AHCYL2: variants seen among roughly 807,000 people sequenced by gnomAD.
The protein encoded by AHCYL2 is adenosylhomocysteinase like 2, also known as S-adenosylhomocysteine hydrolase-like protein 2.
In AHCYL2, 28 loss-of-function variants were observed where a neutral mutation model predicts 81.4. The ratio of observed to expected loss-of-function variants is 0.34; its 90% CI spans 0.25 to 0.47. AHCYL2 has a LOEUF of 0.47. AHCYL2 is among the 20% of genes least tolerant of loss of function. AHCYL2 has a pLI of 1.00. For synonymous variants in AHCYL2, 272 were observed against 290.2 expected (o/e 0.94, Z 0.64); for missense variants, 551 against 785.1 (o/e 0.70, Z 3.56).
rs140968022 is a variant in AHCYL2 at position 129,325,834 on chromosome 7, T to G, written c.364-53804T>G. 3.4e-3 allele frequency among the ~76,000 whole-genome samples: 514 copies of G among 152,114 alleles called. 1 individual carries two copies. The highest frequency in any genetic ancestry group is 0.012 in the African/African-American group (497 of 41,504). On this transcript the variant is annotated intron_variant, in intron 1 of 16. Transcript: ENST00000325006. ...GATTCTCCCGCCTCAGCCTCCCGAA[T>G]AGCTGGGACTACAGGCACGTGCCAC...
At position 129,409,592 on chromosome 7, in the gene AHCYL2, T is replaced by C. The variant is rs547268830; in HGVS notation, c.1366+46T>C. 2.7e-5 allele frequency: 40 copies of C among 1,489,664 alleles called. 1 individual carries two copies. Among genetic ancestry groups the C allele is most frequent in the Middle Eastern group, 1.7e-4 (1 of 5,830 alleles). 92.3% of individuals were successfully genotyped at this position (1,489,664 alleles called of 1,614,324 possible). A position where few individuals can be genotyped will look rare whatever the true frequency, so the allele number is the denominator to read the frequency against. Reference sequence around the variant, plus strand: ...ATGGGGTGGCACTTGGGAATGTTTTTATGGAGCAGGTGCAAGATGATTGGA... The same window carrying C: ...ATGGGGTGGCACTTGGGAATGTTTTCATGGAGCAGGTGCAAGATGATTGGA... On this transcript the variant is annotated intron_variant, in intron 11 of 16. Coordinates refer to ENST00000325006, the MANE Select transcript of AHCYL2 (RefSeq NM_015328.4).
rs187540590 is a variant in AHCYL2 at position 129,424,412 on chromosome 7, A to G, written c.1561-462A>G. On this transcript the variant is annotated intron_variant, in intron 13 of 16. Coordinates refer to ENST00000325006, the MANE Select transcript of AHCYL2 (RefSeq NM_015328.4). ...GAGACTCCATCTAATCAATCAATCAATCAATCAATCAATCAATCATCACAG... is the reference window on the plus strand; with the variant it reads ...GAGACTCCATCTAATCAATCAATCAGTCAATCAATCAATCAATCATCACAG... 1.1e-4 allele frequency among the ~76,000 whole-genome samples: 16 copies of G among 151,202 alleles called. No individual in the cohort carries two copies. In the East Asian group the frequency reaches 1.7e-3, roughly 16 times the overall value.
At chr7:129,301,268 G>C (rs527241277) in intron 1 of AHCYL2, among the ~76,000 whole-genome samples, 1 of 152,256 alleles carries the variant, frequency 6.6e-6, no homozygotes, top group Admixed American at 6.5e-5. Context: ...TTAATCCTTT[G>C]TCAGATGGAT....
chr7:129,418,380 A>G (rs1424102169), intron 12 of AHCYL2, among the ~76,000 whole-genome samples: 1 of 151,850 alleles, frequency 6.6e-6, no homozygotes, highest in Non-Finnish European at 1.5e-5. Flanking sequence ...GCTCACTGCA[A>G]CCTCCGCCTC....
intron 1 of AHCYL2, among the ~76,000 whole-genome samples, chr7:129,377,205 G>T (rs942437286): frequency 2.0e-5 from 3 of 152,194 alleles, no homozygotes. Flanking sequence ...ATTCATTGTG[G>T]TAAGTGCTGT....
chr7:129,429,342 T>G lies in AHCYL2; in HGVS notation c.*2297T>G, dbSNP rs1157337661. The stretch of plus-strand genomic sequence containing the variant: ...TATCTTAGGGTTGAAATCTGGTCAT[T>G]ATTCCCTCTACCCTTGGAATCAGAG... On this transcript the variant is annotated 3_prime_UTR_variant, in exon 17 of 17. Coordinates refer to ENST00000325006, the MANE Select transcript of AHCYL2 (RefSeq NM_015328.4). 1 of 152,200 alleles carries G rather than the reference T, an allele frequency of 6.6e-6. No individual in the cohort carries two copies. The highest frequency in any genetic ancestry group is 1.5e-5 in the Non-Finnish European group (1 of 68,034). 9.4% of individuals were successfully genotyped at this position (152,200 alleles called of 1,614,324 possible). A position where few individuals can be genotyped will look rare whatever the true frequency, so the allele number is the denominator to read the frequency against.
At chr7:129,238,441 A>G (rs1794714805) in intron 1 of AHCYL2, among the ~76,000 whole-genome samples, 1 of 152,100 alleles carries the variant, frequency 6.6e-6, no homozygotes, top group Non-Finnish European at 1.5e-5. Flanking sequence ...TCTTTTTTGC[A>G]AAAACCGTTT....
At position 129,411,759 on chromosome 7, in the gene AHCYL2, C is replaced by CAA. The variant is rs34771912; in HGVS notation, c.1367-1820_1367-1819dup. On this transcript the variant is annotated intron_variant, in intron 11 of 16. Transcript: ENST00000325006. ...GGGCAACAAGAGTGAAACTCCTTCT[C>CAA]AAAAAAAAAAAAAAAAGGAATCATT... 1.6e-3 allele frequency among the ~76,000 whole-genome samples: 177 copies of CAA among 107,356 alleles called. 1 individual carries two copies. The highest frequency in any genetic ancestry group is 5.1e-3 in the Admixed American group (57 of 11,162). The allele number at this position is 107,356 out of a possible 152,430, so 70.4% of individuals were successfully genotyped here.
intron 1 of AHCYL2, among the ~76,000 whole-genome samples, chr7:129,376,878 G>A (rs1017396908): frequency 5.9e-5 from 9 of 152,208 alleles, no homozygotes; most frequent in African/African-American, 2.2e-4. Context: ...GAACAAGGTT[G>A]GTGAAACGGA....
At chr7:129,271,052 C>G (rs1240193493) in intron 1 of AHCYL2, among the ~76,000 whole-genome samples, 3 of 151,926 alleles carry the variant, frequency 2.0e-5, no homozygotes, top group Non-Finnish European at 2.9e-5. Context: ...AATCTCACAG[C>G]TAAAGGTGCT....
At chr7:129,346,910 T>C (rs1266855832) in intron 1 of AHCYL2, among the ~76,000 whole-genome samples, 1 of 152,180 alleles carries the variant, frequency 6.6e-6, no homozygotes, top group Non-Finnish European at 1.5e-5. Flanking sequence ...GGTGAGTGGG[T>C]AAATAAACTG....
intron 1 of AHCYL2, among the ~76,000 whole-genome samples, chr7:129,326,018 T>C (rs930355855): frequency 5.3e-5 from 8 of 152,200 alleles, no homozygotes; most frequent in African/African-American, 1.9e-4. Context: ...GTTTTTTAAA[T>C]GTGATTTTTA....
chr7:129,253,705 G>A (rs760843751), intron 1 of AHCYL2, among the ~76,000 whole-genome samples: 157 of 152,258 alleles, frequency 1.0e-3, no homozygotes, highest in Non-Finnish European at 1.5e-3. Flanking sequence ...TCGACCTTCT[G>A]GGCCCAAGTG....
At position 129,320,665 on chromosome 7, in the gene AHCYL2, C is replaced by T. The variant is rs148646433; in HGVS notation, c.364-58973C>T. ...ATAAATAATATGCCATAAAATCTTC[C>T]TTTTTGAAGTTCAGTGGTTTTTAGT... On this transcript the variant is annotated intron_variant, in intron 1 of 16. Transcript: ENST00000325006. Among the ~76,000 whole-genome samples the T allele has an allele frequency of 5.2e-3, 784 of 152,168 alleles. 6 individuals are homozygous for T. The highest frequency in any genetic ancestry group is 9.7e-3 in the Admixed American group (148 of 15,280).
At chr7:129,234,686 G>A (rs890706275) in intron 1 of AHCYL2, among the ~76,000 whole-genome samples, 2 of 152,136 alleles carry the variant, frequency 1.3e-5, no homozygotes, top group Admixed American at 6.5e-5. Context: ...TGTAGAGATG[G>A]TGTCTCACTT....
chr7:129,314,970 T>C (rs1797782023), intron 1 of AHCYL2, among the ~76,000 whole-genome samples: 1 of 152,208 alleles, frequency 6.6e-6, no homozygotes. Flanking sequence ...TAGATTAAGA[T>C]ACTAATGCCT....
intron 1 of AHCYL2, among the ~76,000 whole-genome samples, chr7:129,309,619 T>TAAGA (rs1797576378): frequency 6.6e-6 from 1 of 152,236 alleles, no homozygotes; most frequent in Non-Finnish European, 1.5e-5. Flanking sequence ...AAATATCTTC[T>TAAGA]ATTCTTTTGG....
intron 1 of AHCYL2, among the ~76,000 whole-genome samples, chr7:129,321,653 A>G (rs1011822631): frequency 6.7e-6 from 1 of 148,682 alleles, no homozygotes; most frequent in African/African-American, 2.5e-5. Context: ...GTTTTGGTAT[A>G]TGGGTAATGC....
chr7:129,368,131 A>C lies in AHCYL2; in HGVS notation c.364-11507A>C. On this transcript the variant is annotated intron_variant, in intron 1 of 16. Transcript: ENST00000325006. The surrounding 1 kb of genome is among the most constrained non-coding windows in gnomAD (Gnocchi z 4.4). Reference sequence around the variant, plus strand: ...GTGCCTCACACACAGGGAAAGAAGGAAGTCCAACTATTGCTGCAGAAAGTC... The same window carrying C: ...GTGCCTCACACACAGGGAAAGAAGGCAGTCCAACTATTGCTGCAGAAAGTC... 4.8e-6 allele frequency: 5 copies of C among 1,042,126 alleles called. No homozygotes were observed. The highest frequency in any genetic ancestry group is 5.8e-6 in the Non-Finnish European group (5 of 866,044). 64.6% of individuals were successfully genotyped at this position (1,042,126 alleles called of 1,614,324 possible).
Sources: allele counts gnomAD v4.1 joint callset (sites outside exome capture counted in the v4.1 genomes callset), GRCh38; gene constraint gnomAD v4.1.1; non-coding constraint Gnocchi (gnomAD v3.1); transcripts MANE v1.5; gene names NCBI Gene and HGNC (gene_info 2026-07-23, HGNC 2026-07-21).